Variants in NAALADL2 observed in about 807,000 individuals in gnomAD.
NAALADL2 encodes the protein N-acetylated alpha-linked acidic dipeptidase like 2.
A neutral mutation model predicts 87.2 loss-of-function variants in NAALADL2; 76 were observed. The ratio of observed to expected loss-of-function variants is 0.87; its 90% CI spans 0.72 to 1.05. The LOEUF is 1.05. Among genes scored for constraint, NAALADL2 ranks in the 50% least tolerant of loss-of-function variants. The probability of loss-of-function intolerance (pLI) is 0.00; values close to 1 mark genes in which losing one functional copy is unlikely to be tolerated. For missense variants in NAALADL2, 1,089 were observed against 945.8 expected (o/e 1.15, Z -1.99); for synonymous variants, 354 against 331.0 (o/e 1.07, Z -0.75).
intron 1 of NAALADL2, among the ~76,000 whole-genome samples, chr3:174,518,000 T>C (rs1720037747): frequency 6.6e-6 from 1 of 152,098 alleles, no homozygotes; most frequent in Non-Finnish European, 1.5e-5. Flanking sequence ...AGGTGATCAA[T>C]GGTAATTAAC....
chr3:174,655,362 G>A (rs1396648786), intron 2 of NAALADL2, among the ~76,000 whole-genome samples: 2 of 151,036 alleles, frequency 1.3e-5, no homozygotes, highest in African/African-American at 4.9e-5. Flanking sequence ...TACTAAAGAA[G>A]ATTCTGTAAA....
At chr3:174,900,895 A>T (rs1034001343) in intron 1 of NAALADL2, among the ~76,000 whole-genome samples, 1 of 152,048 alleles carries the variant, frequency 6.6e-6, no homozygotes, top group Non-Finnish European at 1.5e-5. Context: ...CTTCCCCTAT[A>T]CTTTGTCATG....
intron 1 of NAALADL2, among the ~76,000 whole-genome samples, chr3:175,018,212 G>A (rs1170058436): frequency 6.6e-6 from 1 of 151,944 alleles, no homozygotes; most frequent in Non-Finnish European, 1.5e-5. Flanking sequence ...GTCAAAATTA[G>A]TATGTAAAAC....
At chr3:174,660,743 A>C (rs1186445543) in intron 2 of NAALADL2, among the ~76,000 whole-genome samples, 1 of 152,042 alleles carries the variant, frequency 6.6e-6, no homozygotes, top group Non-Finnish European at 1.5e-5. Flanking sequence ...TTTAATAAAC[A>C]AAAAGAACAT....
chr3:175,063,700 C>T (rs1483393903), intron 1 of NAALADL2, among the ~76,000 whole-genome samples: 1 of 151,844 alleles, frequency 6.6e-6, no homozygotes, highest in Non-Finnish European at 1.5e-5. Flanking sequence ...CCAGGCTAGT[C>T]TCAAACTCTT....
chr3:175,321,185 C>T (rs1419718193), intron 4 of NAALADL2, among the ~76,000 whole-genome samples: 25 of 146,116 alleles, frequency 1.7e-4, no homozygotes, highest in Admixed American at 2.8e-4. Flanking sequence ...GTTCAATATA[C>T]GCAAATCAAT....
chr3:175,707,643 G>A (rs950701055), intron 11 of NAALADL2, among the ~76,000 whole-genome samples: 4 of 151,976 alleles, frequency 2.6e-5, no homozygotes, highest in African/African-American at 2.4e-5. Flanking sequence ...TTCTTTATAT[G>A]TACACTGGGG....
At chr3:175,207,252 T>C (rs1260157260) in intron 2 of NAALADL2, among the ~76,000 whole-genome samples, 3 of 152,118 alleles carry the variant, frequency 2.0e-5, no homozygotes, top group Middle Eastern at 3.4e-3. Flanking sequence ...TTTCAGAAAT[T>C]ATTGGAGACT....
chr3:174,819,839 C>A (rs979686371), intron 3 of NAALADL2, among the ~76,000 whole-genome samples: 2 of 152,124 alleles, frequency 1.3e-5, no homozygotes, highest in Non-Finnish European at 2.9e-5. Context: ...GTTCATGAGC[C>A]ATTTTCAAAG....
At chr3:175,558,390 CTT>C (rs139124851) in intron 9 of NAALADL2, among the ~76,000 whole-genome samples, 6,378 of 151,970 alleles carry the variant, frequency 0.042, 294 homozygotes, top group African/African-American at 0.12. Flanking sequence ...TGCCTCATCA[CTT>C]TGTTGTTTCC....
intron 1 of NAALADL2, among the ~76,000 whole-genome samples, chr3:174,964,823 T>C (rs1742632408): frequency 6.6e-6 from 1 of 151,628 alleles, no homozygotes; most frequent in South Asian, 2.1e-4. Flanking sequence ...TAACAGGTAT[T>C]AAACAATTTA....
intron 3 of NAALADL2, among the ~76,000 whole-genome samples, chr3:174,743,517 A>G (rs2109016220): frequency 6.6e-6 from 1 of 151,954 alleles, no homozygotes; most frequent in Non-Finnish European, 1.5e-5. Context: ...GAATCAGAAT[A>G]TGTATTTTTG....
At chr3:175,613,931 A>G (rs1724998972) in intron 10 of NAALADL2, among the ~76,000 whole-genome samples, 1 of 152,320 alleles carries the variant, frequency 6.6e-6, no homozygotes, top group Non-Finnish European at 1.5e-5. Context: ...ATATCCATCT[A>G]TAGATATTCT....
intron 2 of NAALADL2, among the ~76,000 whole-genome samples, chr3:174,683,629 GGTGTGTGTGTGTGTGTGTGT>G (rs10522220): frequency 8.8e-5 from 13 of 146,934 alleles, no homozygotes; most frequent in Non-Finnish European, 1.7e-4. Flanking sequence ...CAGAACTTCT[GGTGTGTGTGTGTGTGTGTGT>G]GTGTGTGTGT....
chr3:174,582,972 T>G (rs2108564598), intron 2 of NAALADL2, among the ~76,000 whole-genome samples: 1 of 152,354 alleles, frequency 6.6e-6, no homozygotes, highest in South Asian at 2.1e-4. Flanking sequence ...ATGTCTAAGT[T>G]CATCTGGCAT....
At chr3:175,496,325 A>T (rs1728803075) in intron 9 of NAALADL2, among the ~76,000 whole-genome samples, 1 of 151,910 alleles carries the variant, frequency 6.6e-6, no homozygotes. Context: ...ATGTCTTTTA[A>T]TTTATATTCT....
intron 11 of NAALADL2, among the ~76,000 whole-genome samples, chr3:175,683,603 T>C (rs1735895328): frequency 6.6e-6 from 1 of 152,020 alleles, no homozygotes; most frequent in Admixed American, 6.6e-5. Flanking sequence ...ATCTTATTAG[T>C]AAATATGTGA....
At chr3:174,615,331 T>A (rs906959198) in intron 2 of NAALADL2, among the ~76,000 whole-genome samples, 2 of 152,200 alleles carry the variant, frequency 1.3e-5, no homozygotes, top group African/African-American at 4.8e-5. Context: ...GTTCCACAAA[T>A]CTCTCTGCCC....
chr3:175,657,741 C>T (rs558024320), intron 11 of NAALADL2, among the ~76,000 whole-genome samples: 12 of 146,916 alleles, frequency 8.2e-5, no homozygotes, highest in African/African-American at 1.1e-4. Context: ...CCAACACGCC[C>T]GGCTAATTTT....
Sources: allele counts gnomAD v4.1 joint callset (sites outside exome capture counted in the v4.1 genomes callset), GRCh38; gene constraint gnomAD v4.1.1; transcripts MANE v1.5; gene names NCBI Gene and HGNC (gene_info 2026-07-23, HGNC 2026-07-21).